Variants in RUFY1 observed in about 807,000 individuals in gnomAD.
RUFY1 encodes RUN and FYVE domain-containing protein 1.
In RUFY1, 54 loss-of-function variants were observed where a neutral mutation model predicts 94.6. The observed-to-expected ratio is 0.57, with a 90% CI of 0.46 to 0.72. RUFY1 has a LOEUF of 0.72. Among genes scored for constraint, RUFY1 ranks in the 30% least tolerant of loss-of-function variants. The probability of loss-of-function intolerance (pLI) is 0.00; values close to 1 mark genes in which losing one functional copy is unlikely to be tolerated. For missense variants in RUFY1, 883 were observed against 883.9 expected (o/e 1.00, Z 0.01); for synonymous variants, 396 against 347.3 (o/e 1.14, Z -1.56).
At position 179,598,572 on chromosome 5, in the gene RUFY1, G is replaced by A. The variant is rs983713988; in HGVS notation, c.1632-120G>A. ...GGAGGAGAGGGAAGCGTTGCCGAAGGCTTTAGATGCTCAAGAGGCAATTCA... is the reference window on the plus strand; with the variant it reads ...GGAGGAGAGGGAAGCGTTGCCGAAGACTTTAGATGCTCAAGAGGCAATTCA... On this transcript the variant is annotated intron_variant, in intron 13 of 17. Transcript: ENST00000319449. 1.5e-5 allele frequency: 17 copies of A among 1,160,226 alleles called. No individual in the cohort carries two copies. In the African/African-American group the frequency reaches 2.6e-4, roughly 18 times the overall value. The allele number at this position is 1,160,226 out of a possible 1,614,324, so 71.9% of individuals were successfully genotyped here.
chr5:179,556,374 C>T (rs2127504397), intron 1 of RUFY1, among the ~76,000 whole-genome samples: 1 of 152,164 alleles, frequency 6.6e-6, no homozygotes, highest in East Asian at 1.9e-4. Flanking sequence ...TTTATTGTGA[C>T]TGAAGCTCTA....
Position 179,587,968 on chromosome 5 carries a change from C to T in RUFY1, c.1027-1578C>T, listed in dbSNP as rs561542413. Among the ~76,000 whole-genome samples, 5 of 152,066 alleles carry T rather than the reference C, an allele frequency of 3.3e-5. No individual in the cohort carries two copies. The South Asian group carries it at 1.0e-3, about 32-fold the overall frequency. On this transcript the variant is annotated intron_variant, in intron 8 of 17. Coordinates refer to ENST00000319449, the MANE Select transcript of RUFY1 (RefSeq NM_025158.5). ...ACTTGAGCCTAGGAGTTGGAGGCTGCAGTGAGACAGAGTAACACCCTGTCT... is the reference window on the plus strand; with the variant it reads ...ACTTGAGCCTAGGAGTTGGAGGCTGTAGTGAGACAGAGTAACACCCTGTCT...
At chr5:179,584,578 TC>T (rs1199018089) in intron 7 of RUFY1, among the ~76,000 whole-genome samples, 2 of 151,662 alleles carry the variant, frequency 1.3e-5, no homozygotes, top group Non-Finnish European at 2.9e-5. Flanking sequence ...GCCCAGGAGT[TC>T]AAGATCAGTC....
rs770345197 is a variant in RUFY1 at position 179,593,560 on chromosome 5, A to G, written c.1328A>G (p.His443Arg). The change falls in exon 11 of 18, where the codon CAC (histidine) becomes CGC (arginine). Residue 443 changes from histidine to arginine, a missense_variant. His to Arg is a conservative substitution (Grantham distance 29). Transcript: ENST00000319449. ...IAMKLLEKDT[H>R]EKQDTLVALR... ...ATGAAGTTACTGGAAAAGGACACCC[A>G]CGAGAAGCAGGACACACTAGTTGCC... 1.2e-6 allele frequency: 2 copies of G among 1,614,206 alleles called. No homozygotes were observed. Among genetic ancestry groups the G allele is most frequent in the South Asian group, 1.1e-5 (1 of 91,088 alleles).
chr5:179,580,241 G>GTATATA lies in RUFY1; in HGVS notation c.891-701_891-700insATATAT, dbSNP rs1554118908. Among the ~76,000 whole-genome samples the GTATATA allele has an allele frequency of 4.3e-3, 399 of 93,798 alleles. 4 individuals are homozygous for GTATATA. Among genetic ancestry groups the GTATATA allele is most frequent in the African/African-American group, 8.6e-3 (245 of 28,518 alleles). The allele number at this position is 93,798 out of a possible 152,430, so 61.5% of individuals were successfully genotyped here. A position where few individuals can be genotyped will look rare whatever the true frequency, so the allele number is the denominator to read the frequency against. On this transcript the variant is annotated intron_variant, in intron 6 of 17. Coordinates refer to ENST00000319449, the MANE Select transcript of RUFY1 (RefSeq NM_025158.5). ...TGTGTGTGTGTGTGTGTGTGTGTGTGTATATTTTTTTTTTTTTTTGAGACG... is the reference window on the plus strand; with the variant it reads ...TGTGTGTGTGTGTGTGTGTGTGTGTGTATATATATATTTTTTTTTTTTTTTGAGACG...
chr5:179,569,384 G>C lies in RUFY1; in HGVS notation c.787G>C (p.Asp263His). Residue 263 changes from aspartate to histidine, a missense_variant, in exon 5 of 18, where the codon GAT becomes CAT. By Grantham distance (81) the Asp-to-His change is moderately conservative (BLOSUM62 -1). Transcript: ENST00000319449. Reference protein sequence around the residue: ...VGLLVGLNVLDANLCLKGEDL... With the variant: ...VGLLVGLNVLHANLCLKGEDL... ...TCTGCTGGTGGGACTCAATGTTCTC[G>C]ATGCCAATCTCTGCTTGAAAGGAGA... 1 of 1,613,694 alleles carries C rather than the reference G, an allele frequency of 6.2e-7. No homozygotes were observed. Among genetic ancestry groups the C allele is most frequent in the Non-Finnish European group, 8.5e-7 (1 of 1,179,974 alleles).
chr5:179,558,886 A>G (rs1478798470), intron 1 of RUFY1, among the ~76,000 whole-genome samples: 1 of 152,252 alleles, frequency 6.6e-6, no homozygotes, highest in East Asian at 1.9e-4. Flanking sequence ...GTGAAATAAA[A>G]CAGGTAAAGG....
intron 1 of RUFY1, 115 bp from the exon 2 acceptor site, chr5:179,559,910 G>A: frequency 1.4e-6 from 2 of 1,450,422 alleles, no homozygotes; most frequent in Non-Finnish European, 1.8e-6. Flanking sequence ...CAGCACGTCC[G>A]TTCCCTAAGC....
chr5:179,550,955 C>T (rs1486006270), intron 1 of RUFY1, 76 bp downstream of exon 1: 2 of 1,001,704 alleles, frequency 2.0e-6, no homozygotes, highest in Non-Finnish European at 2.4e-6. Context: ...CGGTGGGGGC[C>T]GGGCTGGGAG....
At chr5:179,591,859 A>G (rs1765137756) in intron 10 of RUFY1, 118 bp downstream of exon 10, 2 of 606,936 alleles carry the variant, frequency 3.3e-6, no homozygotes, top group Non-Finnish European at 5.5e-6. Context: ...GAAGCTGTTC[A>G]TTAAAAAAAT....
chr5:179,553,860 G>A (rs536445135), intron 1 of RUFY1, among the ~76,000 whole-genome samples: 1 of 152,296 alleles, frequency 6.6e-6, no homozygotes, highest in South Asian at 2.1e-4. Context: ...TGGTGACCAT[G>A]GCTTACAAAG....
chr5:179,553,374 A>G (rs1761951040), intron 1 of RUFY1, among the ~76,000 whole-genome samples: 1 of 152,198 alleles, frequency 6.6e-6, no homozygotes, highest in Non-Finnish European at 1.5e-5. Context: ...GGCCTTGTAA[A>G]TCATGTAGAT....
At chr5:179,577,980 G>A (rs546753873) in intron 6 of RUFY1, among the ~76,000 whole-genome samples, 2 of 152,124 alleles carry the variant, frequency 1.3e-5, no homozygotes, top group South Asian at 4.1e-4. Context: ...ATTGTTTAAG[G>A]AATTTGGCTC....
chr5:179,605,585 TC>T lies in RUFY1; in HGVS notation c.1857-289del, dbSNP rs368544517. On this transcript the variant is annotated intron_variant, in intron 15 of 17. Coordinates refer to ENST00000319449, the MANE Select transcript of RUFY1 (RefSeq NM_025158.5). Reference sequence around the variant, plus strand: ...GTCTTGGACTTCTGGCCTCAGGCCATCCTCTCGCCTCAGCCTCCCTCAAAGT... The same window carrying T: ...GTCTTGGACTTCTGGCCTCAGGCCATCTCTCGCCTCAGCCTCCCTCAAAGT... Among the ~76,000 whole-genome samples the T allele has an allele frequency of 1.7e-3, 246 of 148,080 alleles. 4 individuals are homozygous for T. The South Asian group carries it at 0.049, about 29-fold the overall frequency.
chr5:179,555,416 G>A (rs747882280), intron 1 of RUFY1, among the ~76,000 whole-genome samples: 3 of 152,072 alleles, frequency 2.0e-5, no homozygotes, highest in Non-Finnish European at 4.4e-5. Flanking sequence ...TTGAGAGATA[G>A]AACCGCTAAA....
intron 16 of RUFY1, chr5:179,606,948 G>C (rs1332163813): frequency 6.5e-6 from 1 of 153,376 alleles, no homozygotes; most frequent in Admixed American, 6.5e-5. Context: ...AATCACAGGT[G>C]CTGCTTCGCC....
chr5:179,569,576 A>G (rs1763070934), intron 5 of RUFY1, 151 bp downstream of exon 5: 1 of 761,242 alleles, frequency 1.3e-6, no homozygotes, highest in Non-Finnish European at 2.2e-6. Flanking sequence ...AAGGTCTCGG[A>G]AGGGTGAAGA....
At chr5:179,571,007 G>C (rs1763188471) in intron 5 of RUFY1, among the ~76,000 whole-genome samples, 1 of 151,900 alleles carries the variant, frequency 6.6e-6, no homozygotes, top group South Asian at 2.1e-4. Context: ...ATGTTCGAAG[G>C]GTTTCTTTTT....
At chr5:179,553,031 A>C (rs1341957611) in intron 1 of RUFY1, among the ~76,000 whole-genome samples, 1 of 152,262 alleles carries the variant, frequency 6.6e-6, no homozygotes, top group Non-Finnish European at 1.5e-5. Context: ...CCAGGCACTC[A>C]GAAGTATCCC....
Sources: gnomAD v4.1 joint callset for allele counts (sites outside exome capture counted in the v4.1 genomes callset) on GRCh38, gnomAD v4.1.1 for gene constraint, MANE v1.5 for transcripts, NCBI Gene and HGNC (gene_info 2026-07-23, HGNC 2026-07-21) for gene names.